The following MECOM variants were observed in gnomAD, a reference collection of about 807,000 sequenced individuals.
MECOM encodes histone-lysine N-methyltransferase MECOM.
A neutral mutation model predicts 116.3 loss-of-function variants in MECOM; 13 were observed. The observed-to-expected ratio is 0.11, with a 90% CI of 0.07 to 0.18. The LOEUF is 0.18. MECOM is among the 10% of genes least tolerant of loss of function. The pLI is 1.00. For missense variants in MECOM, 1,299 were observed against 1,509.0 expected (o/e 0.86, Z 2.31); for synonymous variants, 528 against 535.2 (o/e 0.99, Z 0.19).
intron 1 of MECOM, among the ~76,000 whole-genome samples, chr3:169,418,247 G>A (rs1348355164): frequency 6.6e-6 from 1 of 151,858 alleles, no homozygotes; most frequent in African/African-American, 2.4e-5. Flanking sequence ...TGAAATTGAG[G>A]TACTAATTAA....
chr3:169,183,958 G>A (rs1334440797), intron 2 of MECOM, among the ~76,000 whole-genome samples: 9 of 151,402 alleles, frequency 5.9e-5, no homozygotes, highest in Middle Eastern at 3.4e-3. Flanking sequence ...TCCACCTCCC[G>A]GGTTCACGCC....
intron 1 of MECOM, among the ~76,000 whole-genome samples, chr3:169,425,125 G>C (rs1246992291): frequency 6.7e-6 from 1 of 148,248 alleles, no homozygotes; most frequent in Non-Finnish European, 1.5e-5. Flanking sequence ...ATGTGCCTCA[G>C]ATAACCAGTT....
intron 2 of MECOM, among the ~76,000 whole-genome samples, chr3:169,194,303 G>A (rs930736310): frequency 5.9e-5 from 9 of 151,972 alleles, no homozygotes; most frequent in African/African-American, 1.7e-4. Flanking sequence ...ATCACACACC[G>A]GGGCCCGTTG....
At chr3:169,332,368 A>C (rs78789671) in intron 2 of MECOM, among the ~76,000 whole-genome samples, 4,634 of 152,182 alleles carry the variant, frequency 0.03, 247 homozygotes, top group African/African-American at 0.11. Context: ...AAGGGACTTC[A>C]CTTTTTAATC....
chr3:169,086,638 A>G (rs539611490), intron 16 of MECOM: 1 of 697,646 alleles, frequency 1.4e-6, no homozygotes, highest in African/African-American at 1.7e-5. Context: ...ACTAACTTAC[A>G]TAAAGTGTTT....
Position 169,140,757 on chromosome 3 carries a change from T to C in MECOM, c.510+2941A>G, listed in dbSNP as rs181727465. On this transcript the variant is annotated intron_variant, in intron 3 of 16. Coordinates refer to ENST00000651503, the MANE Select transcript of MECOM (RefSeq NM_004991.4). ...ATTTAAACTACTCAGGAAAATTTCC[T>C]TAAATAAAATGCTGGTAGAAAGGTA... Among the ~76,000 whole-genome samples, 4 of 151,782 alleles carry C rather than the reference T, an allele frequency of 2.6e-5. No individual in the cohort carries two copies. In the East Asian group the frequency reaches 7.7e-4, roughly 29 times the overall value.
At chr3:169,558,751 T>A (rs1169389708) in intron 1 of MECOM, among the ~76,000 whole-genome samples, 1 of 152,152 alleles carries the variant, frequency 6.6e-6, no homozygotes, top group Non-Finnish European at 1.5e-5. Flanking sequence ...AATCAGTAAC[T>A]ACAAAGAAAC....
intron 2 of MECOM, among the ~76,000 whole-genome samples, chr3:169,351,027 A>C (rs1726231764): frequency 6.6e-6 from 1 of 151,854 alleles, no homozygotes; most frequent in Non-Finnish European, 1.5e-5. Context: ...AATTGCCCCA[A>C]ATCTCATAAT....
intron 2 of MECOM, among the ~76,000 whole-genome samples, chr3:169,203,693 C>T (rs1185442169): frequency 6.6e-6 from 1 of 152,010 alleles, no homozygotes; most frequent in Non-Finnish European, 1.5e-5. Context: ...TCAATGCACA[C>T]ACATTATAGC....
chr3:169,283,228 C>T (rs1424119570), intron 2 of MECOM, among the ~76,000 whole-genome samples: 1 of 152,050 alleles, frequency 6.6e-6, no homozygotes, highest in African/African-American at 2.4e-5. Context: ...AGAGGTCAGG[C>T]ATGGTGGCTC....
rs1776615996 is a variant in MECOM, at chr3:169,663,527, T to TCTCTCC, written c.-156_-155insGGAGAG. 6 of 523,810 alleles carry TCTCTCC rather than the reference T, an allele frequency of 1.1e-5. No homozygotes were observed. In the African/African-American group the frequency reaches 1.2e-4, roughly 11 times the overall value. 32.4% of individuals were successfully genotyped at this position (523,810 alleles called of 1,614,324 possible). On this transcript the variant is annotated 5_prime_UTR_variant, in exon 1 of 17. Coordinates refer to ENST00000651503, the MANE Select transcript of MECOM (RefSeq NM_004991.4). ...CTCTCTCTCTCTCTCTCTCTCTCTCTCTCCCTCCCTCCTGTTTCTCTCCTG... is the reference window on the plus strand; with the variant it reads ...CTCTCTCTCTCTCTCTCTCTCTCTCTCTCTCCCTCCCTCCCTCCTGTTTCTCTCCTG...
intron 1 of MECOM, among the ~76,000 whole-genome samples, chr3:169,412,657 TATA>T (rs1172388256): frequency 1.3e-5 from 2 of 152,130 alleles, no homozygotes; most frequent in African/African-American, 4.8e-5. Flanking sequence ...AAATATTAAT[TATA>T]ATAATGTTTG....
At chr3:169,227,230 AT>A (rs1356333398) in intron 2 of MECOM, among the ~76,000 whole-genome samples, 1 of 152,236 alleles carries the variant, frequency 6.6e-6, no homozygotes, top group Non-Finnish European at 1.5e-5. Flanking sequence ...CAAAATAAAT[AT>A]AAACATCTTA....
chr3:169,478,774 T>C (rs934178519), intron 1 of MECOM, among the ~76,000 whole-genome samples: 1 of 152,182 alleles, frequency 6.6e-6, no homozygotes, highest in African/African-American at 2.4e-5. Flanking sequence ...AACAAATATC[T>C]GGGGGTGTTC....
At chr3:169,108,979 A>T (rs1025343172) in intron 9 of MECOM, among the ~76,000 whole-genome samples, 10 of 152,230 alleles carry the variant, frequency 6.6e-5, no homozygotes, top group South Asian at 6.2e-4. Flanking sequence ...ATAACCAAAA[A>T]TAATATTAAA....
intron 2 of MECOM, among the ~76,000 whole-genome samples, chr3:169,234,958 T>C (rs984762319): frequency 6.6e-6 from 1 of 152,258 alleles, no homozygotes; most frequent in African/African-American, 2.4e-5. Context: ...TTGTTTTTAA[T>C]TGGTTTGCAA....
At chr3:169,529,319 C>A (rs1315876207) in intron 1 of MECOM, among the ~76,000 whole-genome samples, 1 of 152,204 alleles carries the variant, frequency 6.6e-6, no homozygotes, top group Non-Finnish European at 1.5e-5. Context: ...GTCATGAAAA[C>A]CAGCAGGACA....
rs572471015 is a variant in MECOM, at chr3:169,258,986, T to TGGTTTTGCATAGTC, written c.376-115155_376-115154insGACTATGCAAAACC. Among the ~76,000 whole-genome samples, 435 of 152,330 alleles carry TGGTTTTGCATAGTC rather than the reference T, an allele frequency of 2.9e-3. 1 individual carries two copies. Among genetic ancestry groups the TGGTTTTGCATAGTC allele is most frequent in the African/African-American group, 0.01 (416 of 41,570 alleles). ...CAGGTCACATGCTGAACACTGACAA[T>TGGTTTTGCATAGTC]ACAACATCTATGGTTTTGCATCCCA... On this transcript the variant is annotated intron_variant, in intron 2 of 16. Transcript: ENST00000651503.
intron 2 of MECOM, among the ~76,000 whole-genome samples, chr3:169,199,275 C>G (rs959259504): frequency 2.0e-5 from 3 of 152,046 alleles, no homozygotes; most frequent in African/African-American, 7.2e-5. Context: ...AGCACCCCAG[C>G]AGAGCTGAGT....
Sources: allele counts gnomAD v4.1 joint callset (sites outside exome capture counted in the v4.1 genomes callset), GRCh38; gene constraint gnomAD v4.1.1; transcripts MANE v1.5; gene names NCBI Gene and HGNC (gene_info 2026-07-23, HGNC 2026-07-21).